RPS6KC1: variants seen among roughly 807,000 people sequenced by gnomAD.
RPS6KC1 encodes inactive ribosomal protein S6 kinase delta-1.
A neutral mutation model predicts 103.8 loss-of-function variants in RPS6KC1; 54 were observed. That is an observed-to-expected ratio of 0.52 (90% CI 0.42 to 0.65). The LOEUF (loss-of-function observed/expected upper bound fraction) is 0.65. Ranked by LOEUF, RPS6KC1 falls within the 30% of genes least tolerant of loss-of-function variation. RPS6KC1 has a pLI of 0.00. For missense variants in RPS6KC1, 1,151 were observed against 1,253.8 expected, an observed-to-expected ratio of 0.92 and a Z score of 1.24; for synonymous variants, 439 against 438.7, an observed-to-expected ratio of 1.00 and a Z score of -0.01.
At chr1:213,643,354 G>T in the RPS6KC1 span, among the ~76,000 whole-genome samples, 1 of 151,436 alleles carries the variant, frequency 6.6e-6, no homozygotes, top group African/African-American at 2.4e-5. Flanking sequence ...TGAAGGTTTT[G>T]CATACACCTT....
At chr1:213,396,086 G>A in the RPS6KC1 span, among the ~76,000 whole-genome samples, 1 of 152,220 alleles carries the variant, frequency 6.6e-6, no homozygotes, top group African/African-American at 2.4e-5. Context: ...GATGGGAATA[G>A]CATGGAGAAA....
chr1:213,732,641 T>C, the RPS6KC1 span, among the ~76,000 whole-genome samples: 1 of 152,170 alleles, frequency 6.6e-6, no homozygotes, highest in African/African-American at 2.4e-5. Context: ...CCTATGACAC[T>C]GTGGGTTGAT....
chr1:213,141,883 G>A (rs1325191445), intron 6 of RPS6KC1, among the ~76,000 whole-genome samples: 1 of 151,212 alleles, frequency 6.6e-6, no homozygotes, highest in African/African-American at 2.4e-5. Context: ...ATGTCTGTTA[G>A]GTCTATTTAG....
At chr1:213,581,865 T>A in the RPS6KC1 span, among the ~76,000 whole-genome samples, 1 of 151,994 alleles carries the variant, frequency 6.6e-6, no homozygotes, top group Admixed American at 6.5e-5. Flanking sequence ...CTTGAAGTGG[T>A]TTTTCCACCT....
chr1:213,491,443 G>A, the RPS6KC1 span, among the ~76,000 whole-genome samples: 1 of 152,148 alleles, frequency 6.6e-6, no homozygotes, highest in Admixed American at 6.5e-5. Context: ...AGCTACTATG[G>A]AGGGTGAGGT....
At chr1:213,334,667 C>T in the RPS6KC1 span, among the ~76,000 whole-genome samples, 24 of 152,164 alleles carry the variant, frequency 1.6e-4, no homozygotes, top group Admixed American at 5.2e-4. Flanking sequence ...CCAGGGCCTT[C>T]GACAGGGTCT....
intron 3 of RPS6KC1, 147 bp downstream of exon 3, chr1:213,077,963 T>C (rs1385380576): frequency 2.4e-6 from 1 of 424,976 alleles, no homozygotes; most frequent in East Asian, 3.8e-5. Context: ...AATTGTCTTT[T>C]CTTGTTCTTG....
chr1:213,390,226 C>T, the RPS6KC1 span, among the ~76,000 whole-genome samples: 3 of 152,228 alleles, frequency 2.0e-5, no homozygotes, highest in Non-Finnish European at 4.4e-5. Context: ...ATGCTATTCA[C>T]AAATAATGGC....
the RPS6KC1 span, among the ~76,000 whole-genome samples, chr1:213,505,833 C>T: frequency 5.9e-5 from 9 of 152,126 alleles, no homozygotes; most frequent in Non-Finnish European, 7.4e-5. Context: ...TTTGATCATT[C>T]GTGGTCCTTA....
the RPS6KC1 span, among the ~76,000 whole-genome samples, chr1:213,445,751 A>G: frequency 3.3e-5 from 5 of 152,178 alleles, no homozygotes; most frequent in African/African-American, 7.2e-5. Context: ...TCGCCTGGGA[A>G]ATGGGGACTG....
At chr1:213,478,788 T>C in the RPS6KC1 span, among the ~76,000 whole-genome samples, 1 of 152,110 alleles carries the variant, frequency 6.6e-6, no homozygotes, top group African/African-American at 2.4e-5. Flanking sequence ...TTTCTTCTAG[T>C]CTGCAGCAGA....
chr1:213,190,296 A>G lies in RPS6KC1; in HGVS notation c.1044+13804A>G, dbSNP rs7546868. ...AGAGTATGAGGGCTCCCTTTTTTCC[A>G]CATCCTTGCCAGCATTTATTATTGC... On this transcript the variant is annotated intron_variant, in intron 8 of 14. Coordinates refer to ENST00000366960, the MANE Select transcript of RPS6KC1 (RefSeq NM_012424.6). Among the ~76,000 whole-genome samples, 296 of 152,036 alleles carry G rather than the reference A, an allele frequency of 1.9e-3. 1 individual carries two copies. Among genetic ancestry groups the G allele is most frequent in the African/African-American group, 6.9e-3 (285 of 41,486 alleles).
At chr1:213,289,906 G>A in the RPS6KC1 span, among the ~76,000 whole-genome samples, 2 of 151,998 alleles carry the variant, frequency 1.3e-5, no homozygotes, top group Admixed American at 1.3e-4. Context: ...GGGCGTGGTG[G>A]CGCGTGCCTG....
At chr1:213,064,247 G>A (rs1459290420) in intron 1 of RPS6KC1, among the ~76,000 whole-genome samples, 1 of 152,122 alleles carries the variant, frequency 6.6e-6, no homozygotes, top group African/African-American at 2.4e-5. Context: ...GGTAGAGGCG[G>A]GGTTTCACCA....
the RPS6KC1 span, among the ~76,000 whole-genome samples, chr1:213,594,636 A>G: frequency 6.6e-6 from 1 of 152,206 alleles, no homozygotes; most frequent in Non-Finnish European, 1.5e-5. Context: ...ATCACCTCCT[A>G]TAATACTGTT....
the RPS6KC1 span, among the ~76,000 whole-genome samples, chr1:213,322,653 G>T: frequency 1.3e-5 from 2 of 152,178 alleles, no homozygotes; most frequent in Admixed American, 1.3e-4. Context: ...GGCTCTAGAG[G>T]AGAGTCCATT....
intron 8 of RPS6KC1, 33 bp downstream of exon 8, chr1:213,176,525 C>T (rs1558480370): frequency 1.5e-6 from 2 of 1,346,910 alleles, no homozygotes; most frequent in Non-Finnish European, 1.1e-6. Context: ...AGAGTTCAGT[C>T]ATAAATCGAC....
At chr1:213,087,657 C>T (rs902113762) in intron 3 of RPS6KC1, among the ~76,000 whole-genome samples, 1 of 152,116 alleles carries the variant, frequency 6.6e-6, no homozygotes, top group African/African-American at 2.4e-5. Flanking sequence ...TGCATTGTTG[C>T]CAGAGCCATT....
chr1:213,178,544 A>AC (rs1201715956), intron 8 of RPS6KC1, among the ~76,000 whole-genome samples: 1 of 151,924 alleles, frequency 6.6e-6, no homozygotes, highest in Non-Finnish European at 1.5e-5. Context: ...CTGTCTCAAA[A>AC]AAACAAACAA....
Sources: allele counts gnomAD v4.1 joint callset (sites outside exome capture counted in the v4.1 genomes callset), GRCh38; gene constraint gnomAD v4.1.1; transcripts MANE v1.5; gene names NCBI Gene and HGNC (gene_info 2026-07-23, HGNC 2026-07-21).